HDAC9: variants seen among roughly 807,000 people sequenced by gnomAD.
HDAC9 encodes histone deacetylase 9, also known as MEF-2 interacting transcription repressor (MITR) protein.
In HDAC9, 41 loss-of-function variants were observed where a neutral mutation model predicts 139.4. That is an observed-to-expected ratio of 0.29 (90% CI 0.23 to 0.38). HDAC9 has a LOEUF of 0.38. Among genes scored for constraint, HDAC9 ranks in the 10% least tolerant of loss-of-function variants. HDAC9 has a pLI of 1.00. For missense variants in HDAC9, 1,147 were observed against 1,297.0 expected (o/e 0.88, Z 1.78); for synonymous variants, 517 against 476.2 (o/e 1.09, Z -1.12).
chr7:18,656,294 G>T (rs1791145740), intron 11 of HDAC9, among the ~76,000 whole-genome samples: 1 of 152,004 alleles, frequency 6.6e-6, no homozygotes, highest in African/African-American at 2.4e-5. Context: ...GCAATATAAA[G>T]TCCTGCAACA....
At chr7:18,329,369 G>A (rs1043604904) in intron 1 of HDAC9, among the ~76,000 whole-genome samples, 32 of 151,652 alleles carry the variant, frequency 2.1e-4, no homozygotes, top group Admixed American at 9.2e-4. Context: ...TAATTAACTT[G>A]ATGCATCTTT....
At chr7:18,824,165 G>T (rs1340646661) in intron 17 of HDAC9, among the ~76,000 whole-genome samples, 1 of 152,152 alleles carries the variant, frequency 6.6e-6, no homozygotes, top group Non-Finnish European at 1.5e-5. Flanking sequence ...AAAGGCACTT[G>T]AGGGTGGCAG....
intron 2 of HDAC9, among the ~76,000 whole-genome samples, chr7:18,260,818 T>G (rs1381081319): frequency 6.6e-6 from 1 of 152,178 alleles, no homozygotes; most frequent in Non-Finnish European, 1.5e-5. Flanking sequence ...CAGAATAGGC[T>G]GATTTGAGAC....
chr7:18,541,517 C>G (rs1167866944), intron 2 of HDAC9, among the ~76,000 whole-genome samples: 2 of 152,086 alleles, frequency 1.3e-5, no homozygotes, highest in Admixed American at 6.5e-5. Context: ...ATGTTTTTCT[C>G]TGGTTGGAAT....
At chr7:18,289,363 T>C (rs1439378458), upstream of HDAC9, among the ~76,000 whole-genome samples, 3 of 152,190 alleles carry the variant, frequency 2.0e-5, no homozygotes, top group Non-Finnish European at 4.4e-5. Flanking sequence ...TTTTATAAGC[T>C]AAGTATCACT....
At chr7:18,703,682 A>G (rs6960494) in intron 12 of HDAC9, among the ~76,000 whole-genome samples, 22,420 of 152,168 alleles carry the variant, frequency 0.15, 1,724 homozygotes, top group East Asian at 0.21. Flanking sequence ...CAATGAAGAG[A>G]GATCAACACA....
intron 25 of HDAC9, among the ~76,000 whole-genome samples, chr7:18,977,174 G>A (rs965938727): frequency 6.6e-6 from 1 of 152,122 alleles, no homozygotes; most frequent in Non-Finnish European, 1.5e-5. Flanking sequence ...TAGAGCATAA[G>A]GGAAAACTTA....
intron 1 of HDAC9, among the ~76,000 whole-genome samples, chr7:18,328,661 T>G (rs1354332361): frequency 6.6e-6 from 1 of 151,920 alleles, no homozygotes; most frequent in Non-Finnish European, 1.5e-5. Flanking sequence ...TTGATCATGG[T>G]GAGGTGTCCT....
chr7:18,827,107 T>TAC (rs1795507049), intron 17 of HDAC9, among the ~76,000 whole-genome samples: 1 of 151,518 alleles, frequency 6.6e-6, no homozygotes, highest in African/African-American at 2.4e-5. Context: ...TATATATATA[T>TAC]GAAATTATAA....
chr7:18,243,241 A>G (rs1223481251), intron 2 of HDAC9, among the ~76,000 whole-genome samples: 4 of 152,368 alleles, frequency 2.6e-5, no homozygotes, highest in South Asian at 2.1e-4. Context: ...TAAAGAAATA[A>G]TTGTGAACGT....
At chr7:18,793,632 T>C (rs1017688461) in intron 17 of HDAC9, among the ~76,000 whole-genome samples, 180 bp downstream of exon 17, 2 of 152,200 alleles carry the variant, frequency 1.3e-5, no homozygotes, top group Admixed American at 6.5e-5. Flanking sequence ...CAGCTCATCC[T>C]GCTCTCAGGG....
intron 22 of HDAC9, among the ~76,000 whole-genome samples, chr7:18,931,080 C>T (rs1804699154): frequency 1.3e-5 from 2 of 151,990 alleles, no homozygotes; most frequent in Non-Finnish European, 2.9e-5. Context: ...AACTGTAGCC[C>T]TGGTTTAGGT....
intron 1 of HDAC9, among the ~76,000 whole-genome samples, chr7:18,112,354 A>C (rs1378417896): frequency 1.3e-5 from 2 of 152,208 alleles, no homozygotes; most frequent in Non-Finnish European, 2.9e-5. Context: ...AATTGTTAAG[A>C]ATGCGGACTA....
intron 22 of HDAC9, among the ~76,000 whole-genome samples, chr7:18,875,110 A>G (rs893433373): frequency 5.3e-5 from 8 of 152,148 alleles, no homozygotes; most frequent in African/African-American, 1.9e-4. Flanking sequence ...GTTGTGTTGC[A>G]AAGTTGGACT....
chr7:18,720,263 C>T (rs1313390869), intron 12 of HDAC9, among the ~76,000 whole-genome samples: 1 of 151,818 alleles, frequency 6.6e-6, no homozygotes, highest in Non-Finnish European at 1.5e-5. Context: ...AACAAACTGG[C>T]TCATGCTATT....
intron 2 of HDAC9, among the ~76,000 whole-genome samples, chr7:18,277,644 T>C (rs1796828962): frequency 6.6e-6 from 1 of 152,212 alleles, no homozygotes; most frequent in South Asian, 2.1e-4. Flanking sequence ...GAAGACTTAC[T>C]GGAAGTCATT....
chr7:18,936,593 T>G (rs1351245044), intron 23 of HDAC9, among the ~76,000 whole-genome samples: 1 of 152,238 alleles, frequency 6.6e-6, no homozygotes, highest in African/African-American at 2.4e-5. Flanking sequence ...TGGCAACATT[T>G]TCAACCAATT....
chr7:18,517,261 G>A (rs973654858), intron 2 of HDAC9, among the ~76,000 whole-genome samples: 1 of 152,082 alleles, frequency 6.6e-6, no homozygotes, highest in Non-Finnish European at 1.5e-5. Context: ...CTCATTTCAC[G>A]GCTTGCCACC....
At chr7:18,803,697 T>C (rs1793483839) in intron 17 of HDAC9, among the ~76,000 whole-genome samples, 2 of 152,194 alleles carry the variant, frequency 1.3e-5, no homozygotes, top group South Asian at 4.1e-4. Flanking sequence ...CTTGGATTTC[T>C]TTTAATGTCT....
Sources: allele counts gnomAD v4.1 joint callset (sites outside exome capture counted in the v4.1 genomes callset), GRCh38; gene constraint gnomAD v4.1.1; transcripts MANE v1.5; gene names NCBI Gene and HGNC (gene_info 2026-07-23, HGNC 2026-07-21).